The following APLF variants were observed in gnomAD, a reference collection of about 807,000 sequenced individuals.
APLF encodes the protein aprataxin and PNK-like factor.
APLF carries 61 observed loss-of-function variants against 55.6 expected under a neutral mutation model. The observed-to-expected ratio is 1.10, with a 90% confidence interval of 0.89 to 1.36. The LOEUF (loss-of-function observed/expected upper bound fraction) is 1.36, where lower values mean the gene tolerates loss of function less well. Among genes scored for constraint, APLF ranks in the 40% most tolerant of loss-of-function variants. APLF has a pLI of 0.00. For missense variants in APLF, 611 were observed against 602.5 expected (o/e 1.01, Z -0.15); for synonymous variants, 207 against 214.8 (o/e 0.96, Z 0.32).
At chr2:68,473,155 T>G (rs1675672186) in intron 1 of APLF, among the ~76,000 whole-genome samples, 1 of 152,142 alleles carries the variant, frequency 6.6e-6, no homozygotes, top group Non-Finnish European at 1.5e-5. Flanking sequence ...GCCCTAAAAT[T>G]TTCTGTGCTC....
chr2:68,500,351 G>A (rs1180644566), intron 2 of APLF, among the ~76,000 whole-genome samples: 3 of 152,126 alleles, frequency 2.0e-5, no homozygotes, highest in Non-Finnish European at 4.4e-5. Context: ...TTTGTGGCTG[G>A]ATTTGCTGAC....
intron 2 of APLF, among the ~76,000 whole-genome samples, chr2:68,499,516 G>A (rs1224108745): frequency 6.6e-6 from 1 of 152,126 alleles, no homozygotes; most frequent in Non-Finnish European, 1.5e-5. Flanking sequence ...AATATTACAG[G>A]TCCAATTCAA....
intron 3 of APLF, among the ~76,000 whole-genome samples, chr2:68,506,225 C>T (rs1676869501): frequency 6.9e-6 from 1 of 144,436 alleles, no homozygotes; most frequent in Non-Finnish European, 1.5e-5. Context: ...CTTCTGTAGT[C>T]AGGTAATGAT....
intron 3 of APLF, among the ~76,000 whole-genome samples, chr2:68,511,964 CAAAT>C (rs1669388124): frequency 6.6e-6 from 1 of 151,644 alleles, no homozygotes; most frequent in Non-Finnish European, 1.5e-5. Flanking sequence ...CTAAAACGAA[CAAAT>C]AAAACAAGCG....
intron 6 of APLF, chr2:68,535,268 AT>A (rs1670355480): frequency 2.4e-6 from 1 of 409,154 alleles, no homozygotes; most frequent in Non-Finnish European, 4.9e-6. Context: ...TTATTTTTAA[AT>A]GGCAACATAA....
At chr2:68,576,151 G>T (rs1172330246) in intron 9 of APLF, among the ~76,000 whole-genome samples, 1 of 152,044 alleles carries the variant, frequency 6.6e-6, no homozygotes, top group Non-Finnish European at 1.5e-5. Context: ...GATATCATTA[G>T]GACATGTTAT....
intron 5 of APLF, among the ~76,000 whole-genome samples, chr2:68,520,109 ATATCTTC>A (rs1270175861): frequency 2.0e-5 from 3 of 151,936 alleles, no homozygotes; most frequent in African/African-American, 7.3e-5. Flanking sequence ...GTCCATTTGT[ATATCTTC>A]TTGTGAGAAT....
chr2:68,481,000 G>A (rs530152415), intron 1 of APLF, among the ~76,000 whole-genome samples: 77 of 152,112 alleles, frequency 5.1e-4, no homozygotes, highest in African/African-American at 1.8e-3. Context: ...ATGTGTTCTT[G>A]GATTCAGTTT....
intron 6 of APLF, among the ~76,000 whole-genome samples, chr2:68,532,251 A>C (rs2103995099): frequency 6.6e-6 from 1 of 152,350 alleles, no homozygotes; most frequent in East Asian, 1.9e-4. Flanking sequence ...GTTGCCAGCT[A>C]CAAAAAACTA....
At position 68,492,889 on chromosome 2, in the gene APLF, T is replaced by C. The variant is rs746781821; in HGVS notation, c.168+2628T>C. On this transcript the variant is annotated intron_variant, in intron 2 of 9. Transcript: ENST00000303795. ...TAGTGTAATTTTGTAAACTTTCCCA[T>C]AAATGTGATGTTTAGACATGGGAGA... 3.9e-4 allele frequency among the ~76,000 whole-genome samples: 59 copies of C among 152,328 alleles called. No individual in the cohort carries two copies. In the Middle Eastern group the frequency reaches 0.01, roughly 26 times the overall value.
intron 5 of APLF, among the ~76,000 whole-genome samples, chr2:68,520,542 A>G (rs916312486): frequency 1.3e-5 from 2 of 151,780 alleles, no homozygotes; most frequent in East Asian, 3.9e-4. Context: ...TGGCTTGCAA[A>G]TTATCCCAGC....
In APLF at chr2:68,537,927, T is replaced by G. The variant is rs1434639354; in HGVS notation, c.860T>G (p.Ile287Ser). The G allele has an allele frequency of 1.2e-6, 2 of 1,612,172 alleles. No homozygotes were observed. The highest frequency in any genetic ancestry group is 2.7e-5 in the African/African-American group (2 of 74,736). Reference sequence around the variant, plus strand: ...TTAAGTAACACAGAGATGAATAATATTAAGACTAATGCACAGAGAAACAAA... The same window carrying G: ...TTAAGTAACACAGAGATGAATAATAGTAAGACTAATGCACAGAGAAACAAA... ...ITLSNTEMNNIKTNAQRNKLP... is the reference protein window; with the variant it reads ...ITLSNTEMNNSKTNAQRNKLP... The change falls in exon 7 of 10, where the codon ATT (isoleucine) becomes AGT (serine). Residue 287 changes from isoleucine (I) to serine (S), a missense_variant. Transcript: ENST00000303795.
intron 1 of APLF, among the ~76,000 whole-genome samples, chr2:68,481,476 G>A (rs576755102): frequency 5.1e-4 from 78 of 152,184 alleles, no homozygotes; most frequent in Admixed American, 1.4e-3. Flanking sequence ...TCTGCTGTTA[G>A]TCTAATGGGC....
At chr2:68,556,362 T>C (rs150741435) in intron 8 of APLF, among the ~76,000 whole-genome samples, 8 of 152,062 alleles carry the variant, frequency 5.3e-5, no homozygotes, top group African/African-American at 1.9e-4. Flanking sequence ...ATAAAAAAAA[T>C]TTAATAAAAA....
At chr2:68,564,507 G>T (rs986160015) in intron 8 of APLF, among the ~76,000 whole-genome samples, 7 of 152,036 alleles carry the variant, frequency 4.6e-5, no homozygotes, top group Non-Finnish European at 7.4e-5. Context: ...TAAGTATTCT[G>T]TAACTGTTTC....
intron 2 of APLF, among the ~76,000 whole-genome samples, chr2:68,490,480 A>G (rs565609138): frequency 1.5e-4 from 23 of 152,320 alleles, no homozygotes; most frequent in African/African-American, 5.5e-4. Flanking sequence ...TAGAATTTCA[A>G]TGAAAGATGA....
intron 1 of APLF, among the ~76,000 whole-genome samples, chr2:68,487,489 A>G (rs1281045666): frequency 6.6e-6 from 1 of 152,144 alleles, no homozygotes; most frequent in African/African-American, 2.4e-5. Flanking sequence ...AAGTATAATA[A>G]TAGTATCTTC....
At chr2:68,483,834 TGAGAACATTGAATTAA>T (rs1486929555) in intron 1 of APLF, among the ~76,000 whole-genome samples, 2 of 152,166 alleles carry the variant, frequency 1.3e-5, no homozygotes, top group African/African-American at 2.4e-5. Flanking sequence ...CCAAGTTACA[TGAGAACATTGAATTAA>T]TGCGATATAT....
At chr2:68,482,689 A>AG (rs1371377705) in intron 1 of APLF, among the ~76,000 whole-genome samples, 2 of 152,118 alleles carry the variant, frequency 1.3e-5, no homozygotes, top group African/African-American at 4.8e-5. Flanking sequence ...TTATCCAGCT[A>AG]GGAGTGCAGG....
Sources: allele counts gnomAD v4.1 joint callset (sites outside exome capture counted in the v4.1 genomes callset), GRCh38; gene constraint gnomAD v4.1.1; transcripts MANE v1.5; gene names NCBI Gene and HGNC (gene_info 2026-07-23, HGNC 2026-07-21).